CLDN14: variants seen among roughly 807,000 people sequenced by gnomAD.
The protein encoded by CLDN14 is claudin-14.
In CLDN14, 2 loss-of-function variants were observed where a neutral mutation model predicts 2.1. That is an observed-to-expected ratio of 0.96 (90% CI 0.39 to 3.01). CLDN14 has a LOEUF of 3.01. CLDN14 is among the 30% of genes most tolerant of loss of function. The pLI is 0.09. For missense variants in CLDN14, 298 were observed against 328.0 expected (o/e 0.91, Z 0.71); for synonymous variants, 136 against 154.4 (o/e 0.88, Z 0.88).
At chr21:36,522,539 T>C (rs1273491746) in intron 1 of CLDN14, among the ~76,000 whole-genome samples, 1 of 152,198 alleles carries the variant, frequency 6.6e-6, no homozygotes, top group East Asian at 1.9e-4. Context: ...CTCGTTTTCA[T>C]GAACCCCACA....
intron 1 of CLDN14, among the ~76,000 whole-genome samples, chr21:36,566,413 AG>A (rs897496266): frequency 3.3e-5 from 5 of 152,198 alleles, no homozygotes; most frequent in African/African-American, 1.2e-4. Flanking sequence ...AATATCACCC[AG>A]CCCTATGAAT....
chr21:36,555,927 C>T (rs899212076), intron 1 of CLDN14, among the ~76,000 whole-genome samples: 2 of 151,980 alleles, frequency 1.3e-5, no homozygotes, highest in African/African-American at 4.8e-5. Context: ...ATTTTGGCCG[C>T]ACTTCTCTAG....
intron 1 of CLDN14, among the ~76,000 whole-genome samples, chr21:36,556,053 G>A (rs1264109534): frequency 6.6e-6 from 1 of 151,978 alleles, no homozygotes; most frequent in Non-Finnish European, 1.5e-5. Flanking sequence ...TTCACTCAGG[G>A]GCCCAAGCTA....
intron 1 of CLDN14, among the ~76,000 whole-genome samples, chr21:36,467,615 G>T (rs939296254): frequency 6.6e-6 from 1 of 151,672 alleles, no homozygotes; most frequent in Non-Finnish European, 1.5e-5. Context: ...GCGGTGGTGG[G>T]GGGTGTCTCT....
At chr21:36,520,666 G>A (rs538594308) in intron 1 of CLDN14, among the ~76,000 whole-genome samples, 23 of 152,260 alleles carry the variant, frequency 1.5e-4, no homozygotes, top group African/African-American at 5.5e-4. Context: ...TTTATCAGCA[G>A]CGTGAAAATG....
rs1474677177 is a variant in CLDN14, at chr21:36,551,253, T to C, written c.-220+25158A>G. ...CAAATCCAGAGAGACCACGATGGCTTGGCCCCCTCCCCTTGGCCTCTGCGC... is the reference window on the plus strand; with the variant it reads ...CAAATCCAGAGAGACCACGATGGCTCGGCCCCCTCCCCTTGGCCTCTGCGC... On this transcript the variant is annotated intron_variant, in intron 1 of 2. Transcript: ENST00000342108. The surrounding 1 kb of genome is among the most constrained non-coding windows in gnomAD (Gnocchi z 4.8). Among the ~76,000 whole-genome samples the C allele has an allele frequency of 6.6e-6, 1 of 152,238 alleles. No homozygotes were observed. Among genetic ancestry groups the C allele is most frequent in the East Asian group, 1.9e-4 (1 of 5,192 alleles).
intron 2 of CLDN14, among the ~76,000 whole-genome samples, chr21:36,489,598 C>G (rs554848954): frequency 2.0e-5 from 3 of 152,262 alleles, no homozygotes; most frequent in East Asian, 3.9e-4. Context: ...GGGCCGGGGA[C>G]GACGGCAGAG....
At chr21:36,534,903 G>A (rs1362199063) in intron 1 of CLDN14, among the ~76,000 whole-genome samples, 1 of 152,066 alleles carries the variant, frequency 6.6e-6, no homozygotes, top group Non-Finnish European at 1.5e-5. Flanking sequence ...CCCTCCCTGA[G>A]GCCAGCGTAA....
At chr21:36,572,143 A>G (rs890193074) in intron 1 of CLDN14, among the ~76,000 whole-genome samples, 1 of 152,092 alleles carries the variant, frequency 6.6e-6, no homozygotes, top group Non-Finnish European at 1.5e-5. Context: ...TTTGGTGCCG[A>G]TGCTCTCTGG....
intron 1 of CLDN14, among the ~76,000 whole-genome samples, chr21:36,477,915 C>T (rs867565693): frequency 2.0e-5 from 3 of 152,178 alleles, no homozygotes; most frequent in South Asian, 2.1e-4. Context: ...GAAGGAGGAA[C>T]GTTTGAGTTT....
intron 1 of CLDN14, among the ~76,000 whole-genome samples, chr21:36,560,839 A>T (rs2087629574): frequency 6.6e-6 from 1 of 152,144 alleles, no homozygotes; most frequent in Non-Finnish European, 1.5e-5. Context: ...AAAAAAGTGT[A>T]TTATAAGCCT....
chr21:36,514,430 GC>G (rs1459273526), intron 1 of CLDN14, among the ~76,000 whole-genome samples: 1 of 152,156 alleles, frequency 6.6e-6, no homozygotes, highest in Non-Finnish European at 1.5e-5. Flanking sequence ...AAAGCCCACT[GC>G]AGGTATTTCC....
intron 2 of CLDN14, chr21:36,487,825 T>C (rs761153873): frequency 9.2e-5 from 14 of 152,208 alleles, no homozygotes; most frequent in Non-Finnish European, 1.9e-4. Flanking sequence ...CGTTTGCTAA[T>C]TGCTGGTGTG....
At chr21:36,468,823 G>A (rs1433900386) in intron 1 of CLDN14, among the ~76,000 whole-genome samples, 1 of 150,664 alleles carries the variant, frequency 6.6e-6, no homozygotes, top group Admixed American at 6.6e-5. Flanking sequence ...ACAGTGGCAC[G>A]ATCTTGGCTC....
At chr21:36,552,194 C>T (rs2087567747) in intron 1 of CLDN14, among the ~76,000 whole-genome samples, 1 of 152,116 alleles carries the variant, frequency 6.6e-6, no homozygotes, top group Admixed American at 6.5e-5. Flanking sequence ...AAACATTCTC[C>T]CAAGTAATAA....
chr21:36,510,202 C>T (rs1454910360), intron 2 of CLDN14, among the ~76,000 whole-genome samples: 1 of 152,216 alleles, frequency 6.6e-6, no homozygotes, highest in African/African-American at 2.4e-5. Flanking sequence ...ACCGGAAAAG[C>T]GGTGGCAGCT....
chr21:36,551,379 C>T lies in CLDN14; in HGVS notation c.-220+25032G>A, dbSNP rs777495446. Among the ~76,000 whole-genome samples the T allele has an allele frequency of 1.4e-4, 22 of 152,188 alleles. No individual in the cohort carries two copies. The highest frequency in any genetic ancestry group is 3.9e-4 in the Admixed American group (6 of 15,284). ...TGCCTCCCGTAAGCTGGCGGGCAGACCCAGTCCAAACTTGGCACTACCTCC... is the reference window on the plus strand; with the variant it reads ...TGCCTCCCGTAAGCTGGCGGGCAGATCCAGTCCAAACTTGGCACTACCTCC... On this transcript the variant is annotated intron_variant, in intron 1 of 2. Coordinates refer to the CLDN14 transcript ENST00000342108. This position sits in a 1 kb window ranked among gnomAD's most constrained non-coding sequence, Gnocchi z 4.8.
At chr21:36,486,213 G>T in intron 2 of CLDN14, 1 of 935,014 alleles carries the variant, frequency 1.1e-6, no homozygotes, top group Non-Finnish European at 1.8e-6. Flanking sequence ...GATTCCGCCT[G>T]GCCAAACTCT....
intron 1 of CLDN14, among the ~76,000 whole-genome samples, chr21:36,565,115 C>T (rs2087663434): frequency 1.3e-5 from 2 of 152,226 alleles, no homozygotes; most frequent in Non-Finnish European, 2.9e-5. Context: ...CACAGTTCCT[C>T]AATGTTTTCC....
Sources: allele counts gnomAD v4.1 joint callset (sites outside exome capture counted in the v4.1 genomes callset), GRCh38; gene constraint gnomAD v4.1.1; non-coding constraint Gnocchi (gnomAD v3.1); transcripts MANE v1.5; gene names NCBI Gene and HGNC (gene_info 2026-07-23, HGNC 2026-07-21).